The following VPS13B variants were observed in gnomAD, a reference collection of about 807,000 sequenced individuals.
VPS13B encodes vacuolar protein sorting 13 homolog B, also known as intermembrane lipid transfer protein VPS13B.
Under a neutral mutation model 426.4 loss-of-function variants are expected in VPS13B, and 285 were observed. The observed-to-expected ratio is 0.67, with a 90% CI of 0.61 to 0.74. The LOEUF (loss-of-function observed/expected upper bound fraction) is 0.74, where lower values mean the gene tolerates loss of function less well. VPS13B is among the 30% of genes least tolerant of loss of function. The pLI is 0.00. For synonymous variants in VPS13B, 1,676 were observed against 1,676.4 expected (o/e 1.00, Z 0.01); for missense variants, 4,537 against 4,782.6 (o/e 0.95, Z 1.51).
rs757214570 is a variant in VPS13B at position 99,868,293 on chromosome 8, A to T, written c.11220A>T (p.Ala3740=). The T allele has an allele frequency of 1.2e-6, 2 of 1,614,144 alleles. No homozygotes were observed. Among genetic ancestry groups the T allele is most frequent in the Non-Finnish European group, 1.7e-6 (2 of 1,180,016 alleles). ...LSRLGISLLG[A]IAGIVDQPMQ... is the part of the protein sequence containing the mutation. The stretch of plus-strand genomic sequence containing the variant: ...TGAGGGCTTTTGTTATTCCAGGTGC[A>T]ATTGCTGGTATAGTTGATCAGCCGA... Residue 3740 remains alanine (A), a synonymous_variant, in exon 59 of 62, where the codon GCA becomes GCT. Transcript: ENST00000357162.
At position 99,259,905 on chromosome 8, in the gene VPS13B, G is replaced by A. The variant is rs189411376; in HGVS notation, c.2516-14293G>A. ...GCAAGAGTAAGAGTGAGCAGAAACC[G>A]CCAGTGGCCAAATTCAACTTCTGCA... is the stretch of plus-strand genomic sequence containing the variant. On this transcript the variant is annotated intron_variant, in intron 17 of 61. Coordinates refer to ENST00000357162, the MANE Select transcript of VPS13B (RefSeq NM_152564.5). Among the ~76,000 whole-genome samples, 203 of 152,184 alleles carry A rather than the reference G, an allele frequency of 1.3e-3. 2 individuals carry two copies. Among genetic ancestry groups the A allele is most frequent in the South Asian group, 9.7e-3 (47 of 4,822 alleles).
intron 3 of VPS13B, among the ~76,000 whole-genome samples, chr8:99,041,241 C>G (rs1408165591): frequency 1.3e-5 from 2 of 152,186 alleles, no homozygotes; most frequent in African/African-American, 4.8e-5. Context: ...CCTATTCACT[C>G]TGAGAGATGT....
chr8:99,623,889 T>G (rs1828473598), intron 33 of VPS13B, among the ~76,000 whole-genome samples: 1 of 151,812 alleles, frequency 6.6e-6, no homozygotes, highest in South Asian at 2.1e-4. Context: ...TACTCATTTA[T>G]CATCATAAGA....
chr8:99,624,934 C>G (rs1828543689), intron 33 of VPS13B, among the ~76,000 whole-genome samples: 1 of 152,032 alleles, frequency 6.6e-6, no homozygotes, highest in South Asian at 2.1e-4. Context: ...TCTCCTGCCT[C>G]AGCCTCCCGA....
chr8:99,738,710 C>T (rs1217097307), intron 39 of VPS13B, among the ~76,000 whole-genome samples: 1 of 152,148 alleles, frequency 6.6e-6, no homozygotes, highest in Non-Finnish European at 1.5e-5. Context: ...GTTATTTTAC[C>T]ATTGAGTATA....
intron 19 of VPS13B, among the ~76,000 whole-genome samples, chr8:99,364,645 C>A (rs1317841740): frequency 1.3e-5 from 2 of 152,118 alleles, no homozygotes; most frequent in Non-Finnish European, 2.9e-5. Flanking sequence ...ATTGCCCAGG[C>A]TGGTCTTGAA....
At chr8:99,232,665 A>T (rs572001898) in intron 17 of VPS13B, among the ~76,000 whole-genome samples, 2 of 152,302 alleles carry the variant, frequency 1.3e-5, no homozygotes, top group African/African-American at 4.8e-5. Flanking sequence ...GCACACATGT[A>T]CAGAGATTTG....
At chr8:99,590,220 C>A (rs1482239801) in intron 33 of VPS13B, among the ~76,000 whole-genome samples, 1 of 151,566 alleles carries the variant, frequency 6.6e-6, no homozygotes, top group African/African-American at 2.4e-5. Flanking sequence ...CTATTTGATT[C>A]TTCTCTCTTT....
rs373219927 is a variant in VPS13B at position 99,187,321 on chromosome 8, G to A, written c.2334-5555G>A. On this transcript the variant is annotated intron_variant, in intron 16 of 61. Transcript: ENST00000357162. ...GCTTATAGAATAAAAAGGAAAATGAGAAAGAAAAGAAAATGTCTTTAAAAA... is the reference window on the plus strand; with the variant it reads ...GCTTATAGAATAAAAAGGAAAATGAAAAAGAAAAGAAAATGTCTTTAAAAA... Among the ~76,000 whole-genome samples the A allele has an allele frequency of 6.1e-4, 93 of 152,054 alleles. 2 individuals carry two copies. The highest frequency in any genetic ancestry group is 2.1e-3 in the African/African-American group (89 of 41,454).
chr8:99,604,377 A>G (rs1449436247), intron 33 of VPS13B, among the ~76,000 whole-genome samples: 2 of 152,062 alleles, frequency 1.3e-5, no homozygotes, highest in Non-Finnish European at 2.9e-5. Context: ...AATTTTTGCT[A>G]AAGACACTTT....
chr8:99,176,318 G>A (rs1281257923), intron 16 of VPS13B, among the ~76,000 whole-genome samples: 6 of 152,040 alleles, frequency 3.9e-5, no homozygotes, highest in African/African-American at 1.2e-4. Context: ...TGTATTTTTA[G>A]TAGGGACGAG....
At chr8:99,584,093 C>T (rs1314426317) in intron 33 of VPS13B, among the ~76,000 whole-genome samples, 3 of 151,990 alleles carry the variant, frequency 2.0e-5, no homozygotes, top group Non-Finnish European at 4.4e-5. Context: ...TCAAGCAGAG[C>T]CTTAAAAGGA....
chr8:99,254,641 T>TTTTA (rs1053383360), intron 17 of VPS13B, among the ~76,000 whole-genome samples: 5 of 151,312 alleles, frequency 3.3e-5, no homozygotes, highest in African/African-American at 1.2e-4. Flanking sequence ...TTTTATTATA[T>TTTTA]TTTATTTATT....
intron 19 of VPS13B, among the ~76,000 whole-genome samples, chr8:99,377,786 T>A (rs1813567219): frequency 6.6e-6 from 1 of 152,108 alleles, no homozygotes; most frequent in Admixed American, 6.5e-5. Flanking sequence ...AACCAGCAAG[T>A]CTTTATTAGC....
At chr8:99,394,336 A>C (rs1450660185) in intron 21 of VPS13B, among the ~76,000 whole-genome samples, 1 of 152,140 alleles carries the variant, frequency 6.6e-6, no homozygotes, top group African/African-American at 2.4e-5. Context: ...CTGATACTGC[A>C]CTGGGTTTGA....
At chr8:99,313,877 C>T (rs911333975) in intron 19 of VPS13B, among the ~76,000 whole-genome samples, 1 of 152,118 alleles carries the variant, frequency 6.6e-6, no homozygotes, top group Admixed American at 6.5e-5. Flanking sequence ...GTGGGTGCCC[C>T]TCCCCCACCC....
chr8:99,682,267 C>A (rs1331215758), intron 35 of VPS13B, among the ~76,000 whole-genome samples: 1 of 152,074 alleles, frequency 6.6e-6, no homozygotes, highest in Non-Finnish European at 1.5e-5. Context: ...GAGTTTGAGA[C>A]CAACCTAACC....
intron 40 of VPS13B, among the ~76,000 whole-genome samples, chr8:99,767,770 A>G (rs1433462336): frequency 6.6e-6 from 1 of 152,130 alleles, no homozygotes; most frequent in Non-Finnish European, 1.5e-5. Context: ...CTCTATAAAA[A>G]ATACAAAACT....
chr8:99,109,962 T>TC (rs1008525063), intron 5 of VPS13B, among the ~76,000 whole-genome samples: 4 of 152,134 alleles, frequency 2.6e-5, no homozygotes, highest in African/African-American at 9.7e-5. Context: ...TCTTTTTTTT[T>TC]CTCATTTCTG....
Sources: allele counts gnomAD v4.1 joint callset (sites outside exome capture counted in the v4.1 genomes callset), GRCh38; gene constraint gnomAD v4.1.1; transcripts MANE v1.5; gene names NCBI Gene and HGNC (gene_info 2026-07-23, HGNC 2026-07-21).